WDR44: variants seen among roughly 807,000 people sequenced by gnomAD.
WDR44 encodes the protein WD repeat-containing protein 44.
Under a neutral mutation model 65.7 loss-of-function variants are expected in WDR44, and 9 were observed. That is an observed-to-expected ratio of 0.14 (90% CI 0.08 to 0.24). The LOEUF (loss-of-function observed/expected upper bound fraction) is 0.24, where lower values mean the gene tolerates loss of function less well. Among genes scored for constraint, WDR44 ranks in the 10% least tolerant of loss-of-function variants. The probability of loss-of-function intolerance (pLI) is 1.00; values close to 1 mark genes in which losing one functional copy is unlikely to be tolerated. For missense variants in WDR44, 425 were observed against 670.9 expected, an observed-to-expected ratio of 0.63 and a Z score of 4.05; for synonymous variants, 220 against 235.2, an observed-to-expected ratio of 0.94 and a Z score of 0.59.
At chrX:118,423,309 C>T (rs1384837844) in intron 12 of WDR44, among the ~76,000 whole-genome samples, 7 of 110,555 alleles carry the variant, frequency 6.3e-5, no homozygotes, top group Non-Finnish European at 1.3e-4. Context: ...GCTGGAATTA[C>T]AGGCACGTAC....
chrX:118,434,309 G>A (rs1221040934), intron 13 of WDR44, among the ~76,000 whole-genome samples: 1 of 111,011 alleles, frequency 9.0e-6, no homozygotes, highest in African/African-American at 3.3e-5. Flanking sequence ...GGTCCTTGAC[G>A]ATACAAATAT....
chrX:118,375,347 G>A (rs1046820958), intron 1 of WDR44, among the ~76,000 whole-genome samples: 1 of 109,134 alleles, frequency 9.2e-6, no homozygotes, highest in African/African-American at 3.3e-5. Context: ...GCAGGTGATT[G>A]GCATCCTGAA....
intron 1 of WDR44, among the ~76,000 whole-genome samples, chrX:118,357,687 C>T (rs6646173): frequency 0.056 from 6,191 of 109,940 alleles, 332 homozygotes; most frequent in East Asian, 0.25. Flanking sequence ...CTTGAGACCA[C>T]GCTGGCCAAC....
At chrX:118,435,178 C>CT (rs1473213640) in intron 13 of WDR44, among the ~76,000 whole-genome samples, 1 of 112,637 alleles carries the variant, frequency 8.9e-6, no homozygotes, top group Non-Finnish European at 1.9e-5. Flanking sequence ...AGCACCTTCA[C>CT]TTAATATTTT....
chrX:118,368,459 CTATA>C lies in WDR44; in HGVS notation c.78-9941_78-9938del, dbSNP rs757542334. Among the ~76,000 whole-genome samples the C allele has an allele frequency of 5.4e-4, 39 of 72,841 alleles. No homozygotes were observed. In the South Asian group the frequency reaches 7.2e-3, roughly 13 times the overall value. The allele number at this position is 72,841 out of a possible 115,157, so 63.3% of individuals were successfully genotyped here. A position where few individuals can be genotyped will look rare whatever the true frequency, so the allele number is the denominator to read the frequency against. ...CCACATACATGTTTTGAAATAGTGA[CTATA>C]TATATATATATATATATACTTCTTG... is the stretch of plus-strand genomic sequence containing the variant. On this transcript the variant is annotated intron_variant, in intron 1 of 19. Transcript: ENST00000254029.
intron 7 of WDR44, 141 bp downstream of exon 7, chrX:118,397,247 G>A: frequency 2.1e-6 from 1 of 480,152 alleles, no homozygotes; most frequent in Non-Finnish European, 3.1e-6. Context: ...GATAATGTAT[G>A]TATTCTTTAA....
At chrX:118,422,394 G>A (rs924731927) in intron 12 of WDR44, among the ~76,000 whole-genome samples, 3 of 107,128 alleles carry the variant, frequency 2.8e-5, no homozygotes, top group Admixed American at 1.0e-4. Context: ...ACCCTGTCTC[G>A]AATAAATTTT....
rs778250271 is a variant in WDR44, at chrX:118,352,306, C to T, written c.77+5726C>T. ...CTGGGACCACATATGTGCACCACCA[C>T]GCCCAGCTAATTTATATATATATAT... On this transcript the variant is annotated intron_variant, in intron 1 of 19. Transcript: ENST00000254029. Among the ~76,000 whole-genome samples, 58 of 77,876 alleles carry T rather than the reference C, an allele frequency of 7.4e-4. 1 individual carries two copies. The highest frequency in any genetic ancestry group is 2.0e-3 in the African/African-American group (40 of 20,116). The allele number at this position is 77,876 out of a possible 115,157, so 67.6% of individuals were successfully genotyped here.
rs756394438 is a variant in WDR44, at chrX:118,427,857, A to G, written c.1738-4924A>G. The stretch of plus-strand genomic sequence containing the variant: ...GCCTGGCTAATTTTTTTGTATTTTT[A>G]GTAGAGACGGGGTTTCACCGTGTTA... On this transcript the variant is annotated intron_variant, in intron 12 of 19. Coordinates refer to ENST00000254029, the MANE Select transcript of WDR44 (RefSeq NM_019045.5). Among the ~76,000 whole-genome samples the G allele has an allele frequency of 4.5e-3, 474 of 106,368 alleles. 1 individual carries two copies. Among genetic ancestry groups the G allele is most frequent in the African/African-American group, 0.015 (448 of 29,299 alleles). The allele number at this position is 106,368 out of a possible 115,157, so 92.4% of individuals were successfully genotyped here. A position where few individuals can be genotyped will look rare whatever the true frequency, so the allele number is the denominator to read the frequency against.
chrX:118,357,119 C>T (rs2056467865), intron 1 of WDR44, among the ~76,000 whole-genome samples: 1 of 110,896 alleles, frequency 9.0e-6, no homozygotes, highest in African/African-American at 3.3e-5. Flanking sequence ...GCATGAGCCA[C>T]TGTACCTGGC....
chrX:118,392,957 C>T lies in WDR44; in HGVS notation c.512C>T (p.Thr171Ile), dbSNP rs776230363. 2 of 1,212,162 alleles carry T rather than the reference C, an allele frequency of 1.6e-6. No homozygotes were observed. Among genetic ancestry groups the T allele is most frequent in the Non-Finnish European group, 2.2e-6 (2 of 895,610 alleles). Residue 171 changes from threonine (T) to isoleucine (I), a missense_variant, in exon 4 of 20, where the codon ACT (threonine) becomes ATT (isoleucine). Around this residue, in one of 5 missense-constraint regions of WDR44, gnomAD observed 193 missense variants for 209.0 expected, o/e 0.92. Coordinates refer to ENST00000254029, the MANE Select transcript of WDR44 (RefSeq NM_019045.5). ...ACTGAGCAGCTTAATGTGCTTGAAACTGAAACAGAAGTATTGAACAAGGAA... is the reference window on the plus strand; with the variant it reads ...ACTGAGCAGCTTAATGTGCTTGAAATTGAAACAGAAGTATTGAACAAGGAA... ...SSTEQLNVLE[T>I]ETEVLNKEAV...
chrX:118,429,826 A>G (rs1416599278), intron 12 of WDR44, among the ~76,000 whole-genome samples: 2 of 110,506 alleles, frequency 1.8e-5, no homozygotes, highest in Non-Finnish European at 3.8e-5. Flanking sequence ...TATTTTTAGT[A>G]GAGATGGAGT....
intron 12 of WDR44, among the ~76,000 whole-genome samples, chrX:118,418,961 C>T (rs981763822): frequency 1.8e-5 from 2 of 110,227 alleles, no homozygotes; most frequent in African/African-American, 3.3e-5. Flanking sequence ...GTCAGGGAAG[C>T]GGGGGAAAGC....
At chrX:118,392,516 T>C (rs781090463) in intron 3 of WDR44, 116 bp from the exon 4 acceptor site, 2 of 592,941 alleles carry the variant, frequency 3.4e-6, no homozygotes, top group East Asian at 6.7e-5. Context: ...GATTAAAATA[T>C]GTAAAGTGTT....
At chrX:118,384,348 A>G (rs2056747334) in intron 2 of WDR44, among the ~76,000 whole-genome samples, 1 of 111,964 alleles carries the variant, frequency 8.9e-6, no homozygotes, top group Non-Finnish European at 1.9e-5. Flanking sequence ...GACAAAAAAT[A>G]AGCAAGTAAA....
At chrX:118,372,152 T>G (rs192374574) in intron 1 of WDR44, among the ~76,000 whole-genome samples, 1 of 110,661 alleles carries the variant, frequency 9.0e-6, no homozygotes, top group African/African-American at 3.3e-5. Context: ...TAAGGGAAAT[T>G]AGAGGATATA....
chrX:118,364,119 A>T (rs969009553), intron 1 of WDR44, among the ~76,000 whole-genome samples: 2 of 112,288 alleles, frequency 1.8e-5, no homozygotes, highest in African/African-American at 3.2e-5. Flanking sequence ...AAAATCAGAA[A>T]TCTCTGTTTT....
intron 1 of WDR44, among the ~76,000 whole-genome samples, chrX:118,352,339 TATATA>T (rs2056416418): frequency 4.6e-5 from 1 of 21,704 alleles, no homozygotes; most frequent in African/African-American, 3.8e-4. Flanking sequence ...TATATATATA[TATATA>T]TATATATATT....
In WDR44 at chrX:118,449,227, C is replaced by T. The variant is rs1035559042; in HGVS notation, c.*240C>T. The T allele has an allele frequency of 2.4e-5, 5 of 205,144 alleles. No individual in the cohort carries two copies. The highest frequency in any genetic ancestry group is 1.2e-4 in the African/African-American group (4 of 34,226). 16.9% of individuals were successfully genotyped at this position (205,144 alleles called of 1,213,427 possible). On this transcript the variant is annotated 3_prime_UTR_variant, in exon 20 of 20. Coordinates refer to ENST00000254029, the MANE Select transcript of WDR44 (RefSeq NM_019045.5). ...TTATGTTTTGTTATGTTTGTGTTTTCGTTGTATAATTATGAACATGCACAA... is the reference window on the plus strand; with the variant it reads ...TTATGTTTTGTTATGTTTGTGTTTTTGTTGTATAATTATGAACATGCACAA...
Sources: allele counts gnomAD v4.1 joint callset (sites outside exome capture counted in the v4.1 genomes callset), GRCh38; gene constraint gnomAD v4.1.1; regional missense constraint gnomAD v4.1.1; transcripts MANE v1.5; gene names NCBI Gene and HGNC (gene_info 2026-07-23, HGNC 2026-07-21).